Variants in DRC5 observed in about 807,000 individuals in gnomAD.
DRC5 encodes the protein dynein regulatory complex subunit 5.
chr6:44,294,516 G>A, the DRC5 span, among the ~76,000 whole-genome samples: 2 of 151,776 alleles, frequency 1.3e-5, no homozygotes, highest in African/African-American at 2.4e-5. Flanking sequence ...AGGTCGAGGA[G>A]GGTGGATTAC....
the DRC5 span, chr6:44,287,998 G>A: frequency 1.3e-6 from 1 of 771,060 alleles, no homozygotes; most frequent in African/African-American, 1.8e-5. Context: ...GTACAGAATA[G>A]TGCTTAACGA....
At chr6:44,282,256 G>T in the DRC5 span, 1 of 1,614,218 alleles carries the variant, frequency 6.2e-7, no homozygotes, top group Non-Finnish European at 8.5e-7. Context: ...TGCAAGGCAT[G>T]GGCAAGAGCC....
the DRC5 span, chr6:44,286,303 T>C: frequency 3.1e-6 from 5 of 1,613,296 alleles, no homozygotes; most frequent in East Asian, 2.2e-5. Context: ...CTGTGGTGCC[T>C]GGGATAAAGT....
At chr6:44,287,292 G>C in the DRC5 span, 4 of 955,200 alleles carry the variant, frequency 4.2e-6, no homozygotes, top group African/African-American at 7.1e-5. Flanking sequence ...GGAGAGAGTA[G>C]AAAAGGCAAG....
chr6:44,289,030 A>AAAAG, the DRC5 span, among the ~76,000 whole-genome samples: 1 of 127,214 alleles, frequency 7.9e-6, no homozygotes, highest in Admixed American at 8.7e-5. Context: ...AAAGAAAAAC[A>AAAAG]GGTGAAATTA....
At chr6:44,289,122 C>G in the DRC5 span, among the ~76,000 whole-genome samples, 1 of 145,470 alleles carries the variant, frequency 6.9e-6, no homozygotes, top group African/African-American at 2.6e-5. Flanking sequence ...ACTGCAACCT[C>G]CACCTCCAGG....
At chr6:44,296,569 G>A in the DRC5 span, among the ~76,000 whole-genome samples, 1 of 148,062 alleles carries the variant, frequency 6.8e-6, no homozygotes, top group Non-Finnish European at 1.5e-5. Context: ...CGAGGAAGAT[G>A]CTGTAGGTTT....
At chr6:44,285,331 A>G in the DRC5 span, among the ~76,000 whole-genome samples, 590 of 152,368 alleles carry the variant, frequency 3.9e-3, 3 homozygotes, top group African/African-American at 0.013. Flanking sequence ...ATTTCAGATA[A>G]ATAAGAACGC....
the DRC5 span, chr6:44,286,123 T>C: frequency 6.2e-7 from 1 of 1,613,988 alleles, no homozygotes; most frequent in African/African-American, 1.3e-5. Flanking sequence ...GATCGCCCAG[T>C]TGGTAGTGGT....
the DRC5 span, chr6:44,287,056 T>C: frequency 0.77 from 247,294 of 320,388 alleles, 97,070 homozygotes; most frequent in Non-Finnish European, 0.82. Flanking sequence ...GACTGGGTGA[T>C]GATAGTTGCT....
the DRC5 span, chr6:44,282,321 G>A: frequency 9.9e-6 from 16 of 1,614,226 alleles, no homozygotes; most frequent in Non-Finnish European, 1.4e-5. Context: ...AATGAGGTTG[G>A]TGTTGTGTGC....
At chr6:44,285,925 C>T in the DRC5 span, 3 of 1,548,652 alleles carry the variant, frequency 1.9e-6, no homozygotes, top group Non-Finnish European at 1.8e-6. Context: ...CTGAGAGATG[C>T]TGAGAAGGGG....
At chr6:44,288,734 C>T in the DRC5 span, among the ~76,000 whole-genome samples, 1 of 152,096 alleles carries the variant, frequency 6.6e-6, no homozygotes, top group Non-Finnish European at 1.5e-5. Context: ...TGGCTCATGC[C>T]TGTAATCCCA....
At chr6:44,282,405 C>T in the DRC5 span, 5 of 1,613,964 alleles carry the variant, frequency 3.1e-6, no homozygotes, top group Non-Finnish European at 3.4e-6. Context: ...ACGCAGGCGG[C>T]TGTGGCTCAG....
chr6:44,279,930 G>C, the DRC5 span: 23 of 379,046 alleles, frequency 6.1e-5, no homozygotes, highest in East Asian at 9.3e-4. Flanking sequence ...AAAGAAGTTG[G>C]TCATTTGTGG....
At chr6:44,284,119 G>A in the DRC5 span, among the ~76,000 whole-genome samples, 242 of 152,138 alleles carry the variant, frequency 1.6e-3, no homozygotes, top group Middle Eastern at 6.8e-3. Context: ...GCTGATCACA[G>A]CCACCCATTC....
the DRC5 span, chr6:44,282,545 G>A: frequency 6.3e-7 from 1 of 1,589,914 alleles, no homozygotes; most frequent in East Asian, 2.2e-5. Flanking sequence ...CCTTGCTTCG[G>A]GTCAGCTTGA....
the DRC5 span, chr6:44,285,929 G>A: frequency 1.9e-6 from 3 of 1,563,810 alleles, no homozygotes; most frequent in East Asian, 2.3e-5. Context: ...GAGATGCTGA[G>A]AAGGGGTGGG....
the DRC5 span, chr6:44,287,648 G>C: frequency 6.2e-7 from 1 of 1,614,052 alleles, no homozygotes; most frequent in Non-Finnish European, 8.5e-7. Flanking sequence ...CGGCGCATCC[G>C]ACGGATATTG....
Sources: allele counts gnomAD v4.1 joint callset (sites outside exome capture counted in the v4.1 genomes callset), GRCh38; gene constraint gnomAD v4.1.1; transcripts MANE v1.5; gene names NCBI Gene and HGNC (gene_info 2026-07-23, HGNC 2026-07-21).